The following ACCSL variants were observed in gnomAD, a reference collection of about 807,000 sequenced individuals.
ACCSL encodes probable inactive 1-aminocyclopropane-1-carboxylate synthase-like protein 2.
A neutral mutation model predicts 61.7 loss-of-function variants in ACCSL; 55 were observed. The ratio of observed to expected loss-of-function variants is 0.89; its 90% CI spans 0.72 to 1.12. The LOEUF is 1.12. ACCSL is among the 50% of genes most tolerant of loss of function. The pLI is 0.00. For missense variants in ACCSL, 632 were observed against 698.0 expected (o/e 0.91, Z 1.07); for synonymous variants, 258 against 264.3 (o/e 0.98, Z 0.23).
chr11:43,983,972 C>G, the ACCSL span, among the ~76,000 whole-genome samples: 1 of 152,072 alleles, frequency 6.6e-6, no homozygotes, highest in African/African-American at 2.4e-5. Context: ...AAAAATTAGC[C>G]AGGCATGGTG....
At chr11:44,045,972 C>T (rs571370384), upstream of ACCSL, among the ~76,000 whole-genome samples, 6 of 152,310 alleles carry the variant, frequency 3.9e-5, no homozygotes, top group East Asian at 7.7e-4. Flanking sequence ...GATCTTGGCT[C>T]TTTCCACTAG....
rs779338591 is a variant in ACCSL at position 44,056,083 on chromosome 11, A to G, written c.1183A>G (p.Lys395Glu). 12 of 1,614,118 alleles carry G rather than the reference A, an allele frequency of 7.4e-6. No homozygotes were observed. The East Asian group carries it at 2.4e-4, about 33-fold the overall frequency. Residue 395 changes from lysine (K) to glutamate (E), a missense_variant and splice_region_variant, in exon 10 of 14, where the codon AAG becomes GAG. Transcript: ENST00000378832. ...GACCCATGTGATCTGGGGTACCAGT[A>G]AGGTGAGCCATTGCTTTCTCTCCTT... The part of the protein sequence containing the change: ...NRTHVIWGTS[K>E]DFGISGFRFG...
At chr11:43,947,385 C>A in the ACCSL span, among the ~76,000 whole-genome samples, 1 of 152,186 alleles carries the variant, frequency 6.6e-6, no homozygotes, top group Non-Finnish European at 1.5e-5. Context: ...AGAGGTCCTA[C>A]CAGGCCCCTA....
chr11:44,036,536 C>A, the ACCSL span, among the ~76,000 whole-genome samples: 2 of 152,132 alleles, frequency 1.3e-5, no homozygotes, highest in African/African-American at 4.8e-5. Context: ...AATCCCAGCA[C>A]TTTAGGAGGC....
the ACCSL span, among the ~76,000 whole-genome samples, chr11:43,951,412 G>A: frequency 6.6e-6 from 1 of 152,164 alleles, no homozygotes; most frequent in Non-Finnish European, 1.5e-5. Context: ...AGGTAGCTGG[G>A]AATTAAAATG....
the ACCSL span, among the ~76,000 whole-genome samples, chr11:43,924,625 C>T: frequency 6.6e-6 from 1 of 152,236 alleles, no homozygotes; most frequent in South Asian, 2.1e-4. Context: ...GCACAAGAGG[C>T]GGAGCCAGAA....
chr11:44,053,649 G>T (rs577026793), intron 8 of ACCSL, 143 bp downstream of exon 8: 3 of 709,880 alleles, frequency 4.2e-6, no homozygotes, highest in Middle Eastern at 2.4e-4. Flanking sequence ...ATCACTTGAG[G>T]TCAGGAGTTC....
the ACCSL span, among the ~76,000 whole-genome samples, chr11:44,038,474 G>T: frequency 3.3e-5 from 5 of 152,210 alleles, no homozygotes; most frequent in African/African-American, 9.6e-5. Context: ...GTATAAGCAG[G>T]AATGCGCAGA....
At chr11:43,978,783 GTTT>G in the ACCSL span, among the ~76,000 whole-genome samples, 11,777 of 79,594 alleles carry the variant, frequency 0.15, 798 homozygotes, top group Middle Eastern at 0.24. Context: ...GAGAAGGTGG[GTTT>G]TTTTTTTTTT....
At chr11:43,968,429 C>T in the ACCSL span, among the ~76,000 whole-genome samples, 1 of 151,744 alleles carries the variant, frequency 6.6e-6, no homozygotes, top group African/African-American at 2.4e-5. Flanking sequence ...GAAACCTTTG[C>T]TTTTGCCCGT....
chr11:44,044,702 C>T (rs549788713), upstream of ACCSL, among the ~76,000 whole-genome samples: 1 of 152,156 alleles, frequency 6.6e-6, no homozygotes, highest in Non-Finnish European at 1.5e-5. Context: ...TTAGAAGTAT[C>T]CTTCTGTAAA....
At chr11:43,947,402 G>A in the ACCSL span, among the ~76,000 whole-genome samples, 3 of 152,204 alleles carry the variant, frequency 2.0e-5, no homozygotes, top group South Asian at 2.1e-4. Flanking sequence ...CCTATGCAAC[G>A]GCGGGGGCTC....
chr11:44,014,483 CAGAGAGAGAGAGAGAGAGAG>C, the ACCSL span, among the ~76,000 whole-genome samples: 54 of 129,028 alleles, frequency 4.2e-4, no homozygotes, highest in African/African-American at 1.3e-3. Flanking sequence ...GAGAGATAGC[CAGAGAGAGAGAGAGAGAGAG>C]AGAGAGAGAG....
the ACCSL span, among the ~76,000 whole-genome samples, chr11:44,003,692 C>T: frequency 6.6e-6 from 1 of 151,920 alleles, no homozygotes; most frequent in African/African-American, 2.4e-5. Context: ...TGCCATTATT[C>T]ATCTCCAAAA....
At chr11:43,971,366 T>C in the ACCSL span, 1 of 152,176 alleles carries the variant, frequency 6.6e-6, no homozygotes, top group African/African-American at 2.4e-5. Flanking sequence ...TGCCAGGTGC[T>C]GTTCTAAAAC....
chr11:43,948,681 ACAGGCT>A, the ACCSL span, among the ~76,000 whole-genome samples: 1,250 of 152,180 alleles, frequency 8.2e-3, 15 homozygotes, highest in African/African-American at 0.028. Flanking sequence ...CCTATATGGC[ACAGGCT>A]GGTCTTGAAC....
chr11:43,967,868 A>G, the ACCSL span, among the ~76,000 whole-genome samples: 1 of 152,206 alleles, frequency 6.6e-6, no homozygotes, highest in Non-Finnish European at 1.5e-5. Flanking sequence ...ACTGGGTATC[A>G]TGCTATTTTC....
chr11:43,985,729 A>G, the ACCSL span, among the ~76,000 whole-genome samples: 14 of 152,058 alleles, frequency 9.2e-5, no homozygotes, highest in African/African-American at 3.4e-4. Context: ...TTAATATCCA[A>G]CCGCCTTCTT....
chr11:43,990,428 C>T, the ACCSL span, among the ~76,000 whole-genome samples: 17 of 152,178 alleles, frequency 1.1e-4, no homozygotes, highest in South Asian at 4.2e-4. Context: ...CGTTTCCTCG[C>T]GAGGTAGAAG....
Sources: gnomAD v4.1 joint callset for allele counts (sites outside exome capture counted in the v4.1 genomes callset) on GRCh38, gnomAD v4.1.1 for gene constraint, MANE v1.5 for transcripts, NCBI Gene and HGNC (gene_info 2026-07-23, HGNC 2026-07-21) for gene names.